The following KBTBD4 variants were observed in gnomAD, a reference collection of about 807,000 sequenced individuals.
KBTBD4 encodes the protein kelch repeat and BTB domain containing 4.
A neutral mutation model predicts 43.9 loss-of-function variants in KBTBD4; 30 were observed. The observed-to-expected ratio is 0.68, with a 90% CI of 0.51 to 0.93. The LOEUF is 0.93. KBTBD4 is among the 40% of genes least tolerant of loss of function. KBTBD4 has a pLI of 0.00. For synonymous variants in KBTBD4, 258 were observed against 256.9 expected (o/e 1.00, Z -0.04); for missense variants, 575 against 668.8 (o/e 0.86, Z 1.55).
Position 47,573,601 on chromosome 11 carries a change from G to A in KBTBD4, c.934C>T (p.Arg312Trp). The part of the protein sequence containing the change: ...DLYVVGGSIP[R>W]RMWKCNNATV... ...GCATTGTTGCACTTCCACATGCGCC[G>A]TGGGATGGACCCTCCCACCACATAC... The change falls in exon 4 of 4, where the codon CGG (arginine) becomes TGG (tryptophan). Residue 312 changes from arginine to tryptophan, a missense_variant. Physicochemically the swap from Arg to Trp is moderately radical, Grantham distance 101. Coordinates refer to ENST00000430070, the MANE Select transcript of KBTBD4 (RefSeq NM_018095.6). This position sits in a 1 kb window ranked among gnomAD's most constrained non-coding sequence, Gnocchi z 4.1. 1.9e-6 allele frequency: 3 copies of A among 1,614,138 alleles called. No homozygotes were observed. The highest frequency in any genetic ancestry group is 2.2e-5 in the East Asian group (1 of 44,892).
Position 47,577,660 on chromosome 11 carries a change from C to A in KBTBD4, c.388G>T (p.Glu130Ter). The A allele has an allele frequency of 1.2e-6, 2 of 1,614,184 alleles. No homozygotes were observed. ...GACACCTCATAAATTTCCTGCAACT[C>A]CTCAGCTCGAAGTTTCACAGTCCCA... ...YHGTVKLRAE[E>*]LQEIYEVSDM... The change falls in exon 2 of 4, where the codon GAG becomes TAG. Residue 130 changes from glutamate (E) to a stop codon, truncating the protein, a stop_gained. Coordinates refer to ENST00000430070, the MANE Select transcript of KBTBD4 (RefSeq NM_018095.6). LOFTEE classifies it high-confidence loss of function.
At position 47,577,866 on chromosome 11, in the gene KBTBD4, G is replaced by A; in HGVS notation, c.182C>T (p.Ala61Val). 1 of 1,614,206 alleles carries A rather than the reference G, an allele frequency of 6.2e-7. No homozygotes were observed. The highest frequency in any genetic ancestry group is 8.5e-7 in the Non-Finnish European group (1 of 1,180,050). The stretch of plus-strand genomic sequence containing the variant: ...GCCTTCCACCGAAATGGTGACATCA[G>A]CAAAGAGCTCCTCCTCTAGACACAG... ...MKLCLEEELF[A>V]DVTISVEGRE... The change falls in exon 2 of 4, where the codon GCT becomes GTT. Residue 61 changes from alanine to valine, a missense_variant. By Grantham distance (64) the Ala-to-Val change is moderately conservative. Transcript: ENST00000430070.
At position 47,577,894 on chromosome 11, in the gene KBTBD4, T is replaced by C; in HGVS notation, c.154A>G (p.Lys52Glu). The C allele has an allele frequency of 1.2e-6, 2 of 1,614,230 alleles. No homozygotes were observed. Among genetic ancestry groups the C allele is most frequent in the Non-Finnish European group, 1.7e-6 (2 of 1,180,046 alleles). ...AAGAGCTCCTCCTCTAGACACAGTT[T>C]CATGATGCCTTGAGCCACACGGCCT... ...HSGRVAQGIM[K>E]LCLEEELFAD... Residue 52 changes from lysine (K) to glutamate (E), a missense_variant, in exon 2 of 4, where the codon AAA (lysine) becomes GAA (glutamate). Transcript: ENST00000430070.
chr11:47,578,576 C>T, intron 1 of KBTBD4: 1 of 704,928 alleles, frequency 1.4e-6, no homozygotes, highest in East Asian at 2.7e-5. Context: ...CCCACACTTC[C>T]CCGCTCGCTC....
chr11:47,573,094 A>C lies in KBTBD4; in HGVS notation c.1441T>G (p.Ser481Ala), dbSNP rs775934302. ...CLPEAWSSAP[S>A]LWKIASCNGS... is the part of the protein sequence containing the mutation. ...TTACAGCTGGCAATCTTCCAGAGGG[A>C]TGGGGCAGAGCTCCAGGCCTCAGGA... Residue 481 changes from serine (S) to alanine (A), a missense_variant, in exon 4 of 4, where the codon TCC (serine) becomes GCC (alanine). Coordinates refer to ENST00000430070, the MANE Select transcript of KBTBD4 (RefSeq NM_018095.6). The surrounding 1 kb of genome is among the most constrained non-coding windows in gnomAD (Gnocchi z 4.1). 2.8e-5 allele frequency: 45 copies of C among 1,614,144 alleles called. 1 individual carries two copies. The South Asian group carries it at 4.9e-4, about 18-fold the overall frequency.
At position 47,573,497 on chromosome 11, in the gene KBTBD4, A is replaced by AT; in HGVS notation, c.1037dup (p.Asp346GlufsTer26). ...TCTTGCCACCCAGTGAATATATGGC[A>AT]TCTTTCCCGGGCACAGACACCAGGG... is the stretch of plus-strand genomic sequence containing the variant. On this transcript the variant is annotated frameshift_variant, in exon 4 of 4. Transcript: ENST00000430070. LOFTEE classifies it high-confidence loss of function. The surrounding 1 kb of genome is among the most constrained non-coding windows in gnomAD (Gnocchi z 4.1). 2 of 1,614,224 alleles carry AT rather than the reference A, an allele frequency of 1.2e-6. No homozygotes were observed. The highest frequency in any genetic ancestry group is 2.2e-5 in the South Asian group (2 of 91,088).
At chr11:47,576,655 A>C (rs181088739) in intron 2 of KBTBD4, 7 of 150,782 alleles carry the variant, frequency 4.6e-5, no homozygotes, top group Admixed American at 3.3e-4. Flanking sequence ...GAAGCAACCT[A>C]CTAAGCTACA....
chr11:47,577,699 CA>C lies in KBTBD4; in HGVS notation c.348del (p.Asp117IlefsTer8), dbSNP rs866028465. ...TTCACAGTCCCATGGTAGATATAAT[CA>C]ACCAGGAGCTGGAAAACAGACTCGC... ...DVSESVFQLLVDYIYHGTVKL... is the reference protein window; with the variant it reads ...DVSESVFQLLXDYIYHGTVKL... On this transcript the variant is annotated frameshift_variant, in exon 2 of 4. Coordinates refer to ENST00000430070, the MANE Select transcript of KBTBD4 (RefSeq NM_018095.6). LOFTEE classifies it high-confidence loss of function. The C allele has an allele frequency of 1.2e-6, 2 of 1,614,100 alleles. No individual in the cohort carries two copies. The highest frequency in any genetic ancestry group is 1.7e-6 in the Non-Finnish European group (2 of 1,180,044).
intron 3 of KBTBD4, among the ~76,000 whole-genome samples, chr11:47,574,985 C>G (rs1238840801): frequency 6.6e-6 from 1 of 151,908 alleles, no homozygotes; most frequent in Non-Finnish European, 1.5e-5. Flanking sequence ...GAGGCAGAGG[C>G]AGGCAGACTA....
chr11:47,572,393 A>C lies in KBTBD4; in HGVS notation c.*537T>G, dbSNP rs6416137. The C allele has an allele frequency of 0.98, 150,813 of 153,226 alleles. 74,251 individuals are homozygous for C. The highest frequency in any genetic ancestry group is 1 in the East Asian group (5,197 of 5,198). The allele number at this position is 153,226 out of a possible 1,614,324, so 9.5% of individuals were successfully genotyped here. A position where few individuals can be genotyped will look rare whatever the true frequency, so the allele number is the denominator to read the frequency against. On this transcript the variant is annotated 3_prime_UTR_variant, in exon 4 of 4. Coordinates refer to ENST00000430070, the MANE Select transcript of KBTBD4 (RefSeq NM_018095.6). ...CAAAGTTACATTTCCTGACAGATGG[A>C]TAAGAAAACAATAGAAGGAACATCC...
At chr11:47,578,417 G>A in intron 1 of KBTBD4, 1 of 568,206 alleles carries the variant, frequency 1.8e-6, no homozygotes. Flanking sequence ...GTGAAGCTCA[G>A]GGGCAGTAGA....
intron 1 of KBTBD4, chr11:47,578,728 C>A: frequency 2.8e-6 from 4 of 1,432,790 alleles, no homozygotes; most frequent in East Asian, 2.5e-5. Flanking sequence ...CCGTTCTTCC[C>A]GCTCAGGCCC....
chr11:47,572,953 T>C lies in KBTBD4; in HGVS notation c.1582A>G (p.Asn528Asp). The C allele has an allele frequency of 6.2e-7, 1 of 1,613,952 alleles. No homozygotes were observed. The highest frequency in any genetic ancestry group is 8.5e-7 in the Non-Finnish European group (1 of 1,179,870). Residue 528 changes from asparagine to aspartate, a missense_variant, in exon 4 of 4, where the codon AAT becomes GAT. By Grantham distance (23) the Asn-to-Asp change is conservative. Coordinates refer to ENST00000430070, the MANE Select transcript of KBTBD4 (RefSeq NM_018095.6). ...CCTTAGGCCAACACAAACTGCAAATTGGTAAGCAGCACCTTAATACCTCTT... is the reference window on the plus strand; with the variant it reads ...CCTTAGGCCAACACAAACTGCAAATCGGTAAGCAGCACCTTAATACCTCTT... Reference protein sequence around the residue: ...VTRGIKVLLTNLQFVLA With the variant: ...VTRGIKVLLTDLQFVLA
chr11:47,575,859 CTTT>C (rs11387133), intron 2 of KBTBD4, among the ~76,000 whole-genome samples, 160 bp from the exon 3 acceptor site: 6 of 140,048 alleles, frequency 4.3e-5, no homozygotes, highest in Non-Finnish European at 3.1e-5. Flanking sequence ...CCTAAAATTG[CTTT>C]TTTTTTTTTT....
intron 3 of KBTBD4, among the ~76,000 whole-genome samples, 185 bp downstream of exon 3, chr11:47,575,408 G>A (rs973968336): frequency 2.0e-5 from 3 of 151,166 alleles, no homozygotes; most frequent in African/African-American, 2.4e-5. Flanking sequence ...TAGGGAGGCT[G>A]AGGCAGGAGA....
In KBTBD4 at chr11:47,572,882, T is replaced by C; in HGVS notation, c.*48A>G. ...TGGGGCCCAGGGGACTTTGAGTTTG[T>C]ATGGGGAGGGAAAAGGAGTGAGCAG... On this transcript the variant is annotated 3_prime_UTR_variant, in exon 4 of 4. Coordinates refer to ENST00000430070, the MANE Select transcript of KBTBD4 (RefSeq NM_018095.6). 6.4e-7 allele frequency: 1 copy of C among 1,569,282 alleles called. No homozygotes were observed. The highest frequency in any genetic ancestry group is 2.2e-5 in the East Asian group (1 of 44,482).
At chr11:47,574,617 G>A (rs1240768182) in intron 3 of KBTBD4, among the ~76,000 whole-genome samples, 1 of 151,850 alleles carries the variant, frequency 6.6e-6, no homozygotes, top group African/African-American at 2.4e-5. Flanking sequence ...GACTCTGGGA[G>A]GCCAAGGTGG....
At chr11:47,578,245 A>G (rs1409968659) in intron 1 of KBTBD4, 6 of 594,616 alleles carry the variant, frequency 1.0e-5, no homozygotes, top group African/African-American at 1.9e-5. Flanking sequence ...GATATAAATA[A>G]AAGTTCCAAC....
rs771365454 is a variant in KBTBD4, at chr11:47,577,396, C to T, written c.637+15G>A. 1.8e-5 allele frequency: 28 copies of T among 1,585,456 alleles called. No homozygotes were observed. The highest frequency in any genetic ancestry group is 1.7e-4 in the Admixed American group (10 of 58,594). Reference sequence around the variant, plus strand: ...CCAAGTAACTGGGTATGGTGTGTCCCCTCCCTAAACTTACCCGAGATGATA... The same window carrying T: ...CCAAGTAACTGGGTATGGTGTGTCCTCTCCCTAAACTTACCCGAGATGATA... On this transcript the variant is annotated intron_variant, in intron 2 of 3. Transcript: ENST00000430070.
Sources: allele counts gnomAD v4.1 joint callset (sites outside exome capture counted in the v4.1 genomes callset), GRCh38; gene constraint gnomAD v4.1.1; non-coding constraint Gnocchi (gnomAD v3.1); transcripts MANE v1.5; gene names NCBI Gene and HGNC (gene_info 2026-07-23, HGNC 2026-07-21).